The following PPARGC1B variants were observed in gnomAD, a reference collection of about 807,000 sequenced individuals.
The protein encoded by PPARGC1B is peroxisome proliferator-activated receptor gamma coactivator 1-beta.
Under a neutral mutation model 101.6 loss-of-function variants are expected in PPARGC1B, and 34 were observed. The observed-to-expected ratio is 0.33, with a 90% CI of 0.25 to 0.45. The LOEUF is 0.45. PPARGC1B is among the 20% of genes least tolerant of loss of function. The pLI is 1.00. For missense variants in PPARGC1B, 1,234 were observed against 1,317.6 expected (o/e 0.94, Z 0.98); for synonymous variants, 548 against 539.3 (o/e 1.02, Z -0.22).
intron 1 of PPARGC1B, among the ~76,000 whole-genome samples, chr5:149,750,570 T>C (rs1410264581): frequency 2.0e-5 from 3 of 151,160 alleles, no homozygotes; most frequent in Non-Finnish European, 2.9e-5. Context: ...CTCTTTGAGG[T>C]TCAGAATGGC....
intron 1 of PPARGC1B, among the ~76,000 whole-genome samples, chr5:149,771,147 G>A (rs752570794): frequency 3.3e-5 from 5 of 152,200 alleles, no homozygotes; most frequent in African/African-American, 9.7e-5. Context: ...GTGGGGGGCC[G>A]TGTGCGCATG....
At chr5:149,750,654 G>A (rs889588336) in intron 1 of PPARGC1B, among the ~76,000 whole-genome samples, 2 of 152,088 alleles carry the variant, frequency 1.3e-5, no homozygotes, top group African/African-American at 4.8e-5. Flanking sequence ...CAACCATGAG[G>A]TCTGTAATTA....
In PPARGC1B at chr5:149,836,799, T is replaced by A. The variant is rs764845446; in HGVS notation, c.2344T>A (p.Ser782Thr). The A allele has an allele frequency of 6.2e-7, 1 of 1,613,532 alleles. No homozygotes were observed. Among genetic ancestry groups the A allele is most frequent in the Non-Finnish European group, 8.5e-7 (1 of 1,180,016 alleles). ...CGCCCTGGAGGAGGAAGACCTGGCC[T>A]CCTGCAAGAGCCCTGAGTATGACAC... ...ETALEEEDLA[S>T]CKSPEYDTVF... is the part of the protein sequence containing the mutation. The change falls in exon 8 of 12, where the codon TCC becomes ACC. Residue 782 changes from serine (S) to threonine (T), a missense_variant. This residue lies in a region of PPARGC1B where 497 missense variants were observed against 529.5 expected (regional missense o/e 0.94). Transcript: ENST00000309241.
At chr5:149,838,367 C>T (rs1234996870) in intron 8 of PPARGC1B, among the ~76,000 whole-genome samples, 1 of 152,194 alleles carries the variant, frequency 6.6e-6, no homozygotes, top group East Asian at 1.9e-4. Context: ...CAAGCCCTTA[C>T]TGTAGAAGCT....
At chr5:149,741,065 C>T in intron 1 of PPARGC1B, among the ~76,000 whole-genome samples, 1 of 152,168 alleles carries the variant, frequency 6.6e-6, no homozygotes, top group East Asian at 1.9e-4. Context: ...CTCTGAGTAG[C>T]TGGGACTCAA....
chr5:149,789,854 C>G (rs764401120), intron 1 of PPARGC1B, among the ~76,000 whole-genome samples: 49 of 152,206 alleles, frequency 3.2e-4, no homozygotes, highest in Non-Finnish European at 5.3e-4. Context: ...CCCAGTCCCT[C>G]ATGAAAATGG....
In PPARGC1B at chr5:149,837,650, C is replaced by T. The variant is rs1262482566; in HGVS notation, c.2618+577C>T. On this transcript the variant is annotated intron_variant, in intron 8 of 11. Coordinates refer to ENST00000309241, the MANE Select transcript of PPARGC1B (RefSeq NM_133263.4). The surrounding 1 kb of genome is among the most constrained non-coding windows in gnomAD (Gnocchi z 4.2). ...ATGATGCCTCATGAGCCCGCTTGCT[C>T]GTATCATCCTCGCTCGCTGAACCAG... 5.9e-5 allele frequency among the ~76,000 whole-genome samples: 9 copies of T among 152,316 alleles called. No individual in the cohort carries two copies. The highest frequency in any genetic ancestry group is 5.8e-4 in the East Asian group (3 of 5,180).
intron 2 of PPARGC1B, among the ~76,000 whole-genome samples, chr5:149,825,700 C>T (rs1336121971): frequency 6.6e-6 from 1 of 152,194 alleles, no homozygotes; most frequent in Non-Finnish European, 1.5e-5. Context: ...TCCATGGGAG[C>T]GGGGCATGTC....
chr5:149,760,009 T>C (rs1187800571), intron 1 of PPARGC1B, among the ~76,000 whole-genome samples: 2 of 152,266 alleles, frequency 1.3e-5, no homozygotes, highest in East Asian at 3.9e-4. Context: ...TCCCACAGGG[T>C]GCTCCAGACA....
At chr5:149,857,401 A>G (rs1036737118), downstream of PPARGC1B, among the ~76,000 whole-genome samples, 2 of 152,184 alleles carry the variant, frequency 1.3e-5, no homozygotes, top group African/African-American at 4.8e-5. Context: ...AACCTGCCGA[A>G]GGGACTCAGA....
At chr5:149,811,311 A>C (rs1229634461) in intron 1 of PPARGC1B, among the ~76,000 whole-genome samples, 1 of 152,078 alleles carries the variant, frequency 6.6e-6, no homozygotes, top group East Asian at 1.9e-4. Flanking sequence ...ATTCTTGCAA[A>C]TTTCTCATAA....
chr5:149,850,205 T>C lies in PPARGC1B; in HGVS notation c.*2647T>C, dbSNP rs1034707451. 3 of 152,236 alleles carry C rather than the reference T, an allele frequency of 2.0e-5. No homozygotes were observed. The highest frequency in any genetic ancestry group is 7.2e-5 in the African/African-American group (3 of 41,450). The allele number at this position is 152,236 out of a possible 1,614,324, so 9.4% of individuals were successfully genotyped here. On this transcript the variant is annotated 3_prime_UTR_variant, in exon 12 of 12. Coordinates refer to ENST00000309241, the MANE Select transcript of PPARGC1B (RefSeq NM_133263.4). ...TTAGCCCCTCCTATTTGCTTCTTCC[T>C]TGATTGCTCTTGGTCAAAGGGTCAG...
At chr5:149,793,441 C>T (rs963241043) in intron 1 of PPARGC1B, among the ~76,000 whole-genome samples, 1 of 152,164 alleles carries the variant, frequency 6.6e-6, no homozygotes, top group East Asian at 1.9e-4. Flanking sequence ...CCTTATACTG[C>T]CTCCCTTGGC....
intron 1 of PPARGC1B, among the ~76,000 whole-genome samples, chr5:149,795,171 G>T (rs150502778): frequency 1.3e-5 from 2 of 152,132 alleles, no homozygotes; most frequent in African/African-American, 4.8e-5. Context: ...AAATGAAAAG[G>T]TTTTTGTTCT....
At chr5:149,731,877 G>A (rs1281429225) in intron 1 of PPARGC1B, among the ~76,000 whole-genome samples, 3 of 152,104 alleles carry the variant, frequency 2.0e-5, no homozygotes, top group African/African-American at 7.2e-5. Flanking sequence ...CGGGAGGCAG[G>A]CCGCCCCTGG....
chr5:149,823,927 T>C (rs1758402798), intron 2 of PPARGC1B, among the ~76,000 whole-genome samples: 1 of 152,192 alleles, frequency 6.6e-6, no homozygotes, highest in South Asian at 2.1e-4. Flanking sequence ...TAGTCCTTAG[T>C]CCTACCCCTG....
At chr5:149,743,155 CTTT>C (rs1181226228) in intron 1 of PPARGC1B, among the ~76,000 whole-genome samples, 6 of 134,330 alleles carry the variant, frequency 4.5e-5, no homozygotes, top group Non-Finnish European at 4.9e-5. Context: ...TGTGTTTATT[CTTT>C]TTTTTTTTTT....
At chr5:149,760,279 T>C (rs751370042) in intron 1 of PPARGC1B, among the ~76,000 whole-genome samples, 1 of 152,124 alleles carries the variant, frequency 6.6e-6, no homozygotes, top group African/African-American at 2.4e-5. Context: ...GAAGAATTGT[T>C]GTGGTGGGAC....
intron 1 of PPARGC1B, among the ~76,000 whole-genome samples, chr5:149,794,716 G>T (rs1415684421): frequency 6.6e-6 from 1 of 152,228 alleles, no homozygotes; most frequent in African/African-American, 2.4e-5. Context: ...TCCCAGCCAG[G>T]CCCATCCCCT....
Sources: allele counts gnomAD v4.1 joint callset (sites outside exome capture counted in the v4.1 genomes callset), GRCh38; gene constraint gnomAD v4.1.1; regional missense constraint gnomAD v4.1.1; non-coding constraint Gnocchi (gnomAD v3.1); transcripts MANE v1.5; gene names NCBI Gene and HGNC (gene_info 2026-07-23, HGNC 2026-07-21).